ABCB4: variants seen among roughly 807,000 people sequenced by gnomAD.
The protein encoded by ABCB4 is ATP binding cassette subfamily B member 4, also known as phosphatidylcholine translocator ABCB4.
In ABCB4, 76 loss-of-function variants were observed where a neutral mutation model predicts 145.7. The ratio of observed to expected loss-of-function variants is 0.52; its 90% CI spans 0.43 to 0.63. The LOEUF (loss-of-function observed/expected upper bound fraction) is 0.63. Ranked by LOEUF, ABCB4 falls within the 30% of genes least tolerant of loss-of-function variation. The pLI, the probability that ABCB4 is intolerant of heterozygous loss-of-function variation, is 0.00. For missense variants in ABCB4, 1,234 were observed against 1,553.1 expected (o/e 0.79, Z 3.45); for synonymous variants, 517 against 566.8 (o/e 0.91, Z 1.25).
rs776179529 is a variant in ABCB4, at chr7:87,453,042, G to A, written c.438C>T (p.Ile146=). 2.8e-5 allele frequency: 45 copies of A among 1,613,862 alleles called. No individual in the cohort carries two copies. The highest frequency in any genetic ancestry group is 3.8e-5 in the Non-Finnish European group (45 of 1,180,004). ...GAAAAAACTTCTGCCTAATTTTCCT[G>A]ATCTGTCGACCAGCTGCCAAAGTCC... ...SFWTLAAGRQ[I]RKIRQKFFHA... The change falls in exon 6 of 28, where the codon ATC becomes ATT. Residue 146 remains isoleucine, a synonymous_variant. Coordinates refer to ENST00000649586, the MANE Select transcript of ABCB4 (RefSeq NM_000443.4).
At chr7:87,427,538 T>C (rs1308394189) in intron 15 of ABCB4, among the ~76,000 whole-genome samples, 1 of 152,086 alleles carries the variant, frequency 6.6e-6, no homozygotes, top group African/African-American at 2.4e-5. Flanking sequence ...CTAGTAAGGG[T>C]GAGGGAACAT....
chr7:87,471,027 A>G (rs536756878), intron 3 of ABCB4, among the ~76,000 whole-genome samples: 2 of 152,314 alleles, frequency 1.3e-5, no homozygotes, highest in African/African-American at 2.4e-5. Flanking sequence ...ACCATGGAAT[A>G]CTATGCAGCC....
intron 25 of ABCB4, among the ~76,000 whole-genome samples, chr7:87,407,759 G>A (rs1419110824): frequency 6.6e-6 from 1 of 152,184 alleles, no homozygotes. Context: ...CAGTAAGTCA[G>A]TATTTGCTTA....
intron 22 of ABCB4, among the ~76,000 whole-genome samples, chr7:87,412,480 A>C (rs1248308331): frequency 6.6e-6 from 1 of 152,172 alleles, no homozygotes; most frequent in Non-Finnish European, 1.5e-5. Context: ...TCAGATTCAC[A>C]AAAGTTGAGT....
chr7:87,381,162 G>T, the ABCB4 span, among the ~76,000 whole-genome samples: 1 of 152,148 alleles, frequency 6.6e-6, no homozygotes. Context: ...GCAGTGTCAC[G>T]TTCAGATCAT....
the ABCB4 span, among the ~76,000 whole-genome samples, chr7:87,374,089 T>C: frequency 1.1e-4 from 16 of 152,062 alleles, no homozygotes; most frequent in Admixed American, 1.0e-3. Context: ...GAAGCCAGAC[T>C]GTGTGGGTTA....
intron 15 of ABCB4, among the ~76,000 whole-genome samples, chr7:87,429,733 T>C (rs1249337399): frequency 2.0e-5 from 3 of 152,190 alleles, no homozygotes; most frequent in Admixed American, 1.3e-4. Context: ...CTAGGCCATA[T>C]GGTAGCATTC....
chr7:87,395,946 C>A, the ABCB4 span, among the ~76,000 whole-genome samples: 1 of 152,252 alleles, frequency 6.6e-6, no homozygotes, highest in South Asian at 2.1e-4. Context: ...AAGGATTACA[C>A]CATTGAAGAT....
At chr7:87,409,479 A>AT (rs1353197808) in intron 23 of ABCB4, 87 bp from the exon 24 acceptor site, 2 of 1,380,696 alleles carry the variant, frequency 1.4e-6, no homozygotes, top group South Asian at 1.2e-5. Context: ...GCTTACCAGT[A>AT]TTTTTTCCCT....
rs1808346738 is a variant in ABCB4 at position 87,408,154 on chromosome 7, C to T, written c.3162G>A (p.Gly1054=). 6.2e-7 allele frequency: 1 copy of T among 1,614,110 alleles called. No homozygotes were observed. Among genetic ancestry groups the T allele is most frequent in the Admixed American group, 1.7e-5 (1 of 60,008 alleles). Residue 1054 remains glycine (G), a synonymous_variant, in exon 25 of 28, where the codon GGG becomes GGA. Coordinates refer to ENST00000649586, the MANE Select transcript of ABCB4 (RefSeq NM_000443.4). ...PTRANVPVLQ[G]LSLEVKKGQT... is the part of the protein sequence containing the mutation. The stretch of plus-strand genomic sequence containing the variant: ...GGCCTTTCTTCACCTCCAGGCTCAG[C>T]CCCTGAAGCACTGGCACGTTTGCTC...
intron 12 of ABCB4, among the ~76,000 whole-genome samples, chr7:87,441,631 T>C (rs1810998394): frequency 6.6e-6 from 1 of 152,114 alleles, no homozygotes; most frequent in Non-Finnish European, 1.5e-5. Context: ...ACTCAGGCTT[T>C]GGAGGAGCAT....
chr7:87,421,694 C>T (rs1584704206), intron 18 of ABCB4, among the ~76,000 whole-genome samples: 1 of 152,086 alleles, frequency 6.6e-6, no homozygotes, highest in African/African-American at 2.4e-5. Context: ...TTATTTTGGC[C>T]AGGTCTACAA....
intron 3 of ABCB4, among the ~76,000 whole-genome samples, chr7:87,464,241 G>A (rs1051958879): frequency 1.3e-5 from 2 of 152,170 alleles, no homozygotes; most frequent in African/African-American, 4.8e-5. Context: ...CATTCTCAAA[G>A]ATTTCCAGGA....
chr7:87,418,749 G>A, intron 19 of ABCB4, 129 bp from the exon 20 acceptor site: 1 of 827,942 alleles, frequency 1.2e-6, no homozygotes, highest in Admixed American at 2.0e-5. Context: ...AGAGTCCCTG[G>A]CCTTGCTCTG....
At chr7:87,439,444 A>G (rs1810823836) in intron 14 of ABCB4, among the ~76,000 whole-genome samples, 1 of 152,152 alleles carries the variant, frequency 6.6e-6, no homozygotes, top group South Asian at 2.1e-4. Context: ...GCTTGTTATA[A>G]AGACCTGGAT....
At position 87,431,388 on chromosome 7, in the gene ABCB4, C is replaced by T. The variant is rs777893749; in HGVS notation, c.1893+16G>A. ...TGAGGAGCAAATAGCAGAAAAAATT[C>T]CTGAAAAGCAAGTACCTGCATGTTG... On this transcript the variant is annotated intron_variant, in intron 15 of 27. Transcript: ENST00000649586. The T allele has an allele frequency of 1.9e-6, 3 of 1,613,840 alleles. No individual in the cohort carries two copies. The highest frequency in any genetic ancestry group is 2.2e-5 in the South Asian group (2 of 91,048).
At chr7:87,439,907 T>TACATAAAG in intron 13 of ABCB4, 70 bp from the exon 14 acceptor site, 1 of 1,583,946 alleles carries the variant, frequency 6.3e-7, no homozygotes, top group Non-Finnish European at 8.7e-7. Flanking sequence ...TCTATAGAAC[T>TACATAAAG]ACATAAAGAC....
At chr7:87,369,311 T>C in the ABCB4 span, 2 of 1,003,644 alleles carry the variant, frequency 2.0e-6, no homozygotes, top group Admixed American at 4.2e-5. Context: ...TTCTATTGGA[T>C]ATATGCATCT....
At chr7:87,403,394 A>G (rs995314810) in intron 26 of ABCB4, 113 bp from the exon 27 acceptor site, 3 of 999,656 alleles carry the variant, frequency 3.0e-6, no homozygotes, top group Non-Finnish European at 4.6e-6. Flanking sequence ...ACGTTGTTTC[A>G]ACTTAACAGA....
Sources: gnomAD v4.1 joint callset for allele counts (sites outside exome capture counted in the v4.1 genomes callset) on GRCh38, gnomAD v4.1.1 for gene constraint, MANE v1.5 for transcripts, NCBI Gene and HGNC (gene_info 2026-07-23, HGNC 2026-07-21) for gene names.